IFT122: variants seen among roughly 807,000 people sequenced by gnomAD.
IFT122 encodes intraflagellar transport protein 122 homolog.
In IFT122, 118 loss-of-function variants were observed where a neutral mutation model predicts 161.6. The ratio of observed to expected loss-of-function variants is 0.73; its 90% CI spans 0.63 to 0.85. The LOEUF is 0.85. IFT122 is among the 40% of genes least tolerant of loss of function. The pLI, the probability that IFT122 is intolerant of heterozygous loss-of-function variation, is 0.00. For synonymous variants in IFT122, 550 were observed against 602.4 expected (o/e 0.91, Z 1.27); for missense variants, 1,381 against 1,579.6 (o/e 0.87, Z 2.13).
intron 17 of IFT122, among the ~76,000 whole-genome samples, chr3:129,493,530 C>T (rs573492752): frequency 2.6e-5 from 4 of 152,222 alleles, no homozygotes; most frequent in Non-Finnish European, 5.9e-5. Context: ...CTCAGCAAGA[C>T]GATGCCACAT....
intron 7 of IFT122, among the ~76,000 whole-genome samples, chr3:129,466,208 A>G (rs1362982961): frequency 6.6e-6 from 1 of 152,206 alleles, no homozygotes; most frequent in Non-Finnish European, 1.5e-5. Context: ...TTACCAGCTC[A>G]ATGTCATTTT....
rs746069565 is a variant in IFT122, at chr3:129,502,906, G to C, written c.2547+24G>C. 7 of 1,604,674 alleles carry C rather than the reference G, an allele frequency of 4.4e-6. No homozygotes were observed. In the East Asian group the frequency reaches 1.6e-4, roughly 36 times the overall value. On this transcript the variant is annotated intron_variant, in intron 20 of 29. Transcript: ENST00000348417. The stretch of plus-strand genomic sequence containing the variant: ...AGGTGAGGGGAAAGCAGGCCTCATG[G>C]GCTGGGGCCCCACCTGAGCCCTGGG...
intron 26 of IFT122, among the ~76,000 whole-genome samples, chr3:129,516,793 GCACACACACAGAGACTGCCCCTGCA>G (rs1409170570): frequency 4.1e-4 from 29 of 69,966 alleles, no homozygotes; most frequent in Middle Eastern, 0.017. Context: ...GACCGCTCCT[GCACACACACAGAGACTGCCCCTGCA>G]CACACACACA....
chr3:129,502,590 T>A, intron 19 of IFT122, 121 bp from the exon 20 acceptor site: 1 of 1,133,972 alleles, frequency 8.8e-7, no homozygotes, highest in Non-Finnish European at 1.3e-6. Flanking sequence ...AACTACCCAC[T>A]GAGCAACTCC....
chr3:129,495,929 C>G (rs915519805), intron 18 of IFT122, among the ~76,000 whole-genome samples: 4 of 152,204 alleles, frequency 2.6e-5, no homozygotes, highest in African/African-American at 4.8e-5. Context: ...GGCTGTCCCC[C>G]ACAAATCCTC....
chr3:129,499,985 C>T lies in IFT122; in HGVS notation c.2292C>T (p.Pro764=), dbSNP rs779926427. 10 of 1,614,176 alleles carry T rather than the reference C, an allele frequency of 6.2e-6. No homozygotes were observed. The highest frequency in any genetic ancestry group is 3.3e-5 in the Admixed American group (2 of 60,016). ...QADWARNIKE[P]KAAVEMYISA... Reference sequence around the variant, plus strand: ...ACTGGGCCAGAAATATCAAGGAGCCCAAAGCCGCCGTGGAGATGTACATCT... The same window carrying T: ...ACTGGGCCAGAAATATCAAGGAGCCTAAAGCCGCCGTGGAGATGTACATCT... The change falls in exon 19 of 30, where the codon CCC becomes CCT. Residue 764 remains proline (P), a synonymous_variant. Coordinates refer to ENST00000348417, the MANE Select transcript of IFT122 (RefSeq NM_052989.3).
chr3:129,474,859 A>T (rs910881827), intron 9 of IFT122, among the ~76,000 whole-genome samples: 13 of 152,132 alleles, frequency 8.5e-5, no homozygotes, highest in Non-Finnish European at 1.8e-4. Context: ...ATATATAAAG[A>T]GCTATAAAGA....
At chr3:129,491,284 G>A (rs2080054701) in intron 16 of IFT122, among the ~76,000 whole-genome samples, 1 of 152,176 alleles carries the variant, frequency 6.6e-6, no homozygotes, top group African/African-American at 2.4e-5. Context: ...CAGTTCAAAG[G>A]GCTCTGGAGC....
chr3:129,450,830 C>T (rs1189736852), intron 2 of IFT122, among the ~76,000 whole-genome samples: 1 of 150,726 alleles, frequency 6.6e-6, no homozygotes, highest in Non-Finnish European at 1.5e-5. Flanking sequence ...ACACCATTCT[C>T]CTGCCTCAGC....
chr3:129,472,976 C>T (rs1193334153), intron 9 of IFT122, among the ~76,000 whole-genome samples: 5 of 152,090 alleles, frequency 3.3e-5, no homozygotes, highest in African/African-American at 1.2e-4. Context: ...TTCTTTATAG[C>T]CTTAATCATA....
At chr3:129,505,053 T>G (rs2082049307) in intron 21 of IFT122, among the ~76,000 whole-genome samples, 1 of 152,210 alleles carries the variant, frequency 6.6e-6, no homozygotes, top group African/African-American at 2.4e-5. Flanking sequence ...TATAGAACTT[T>G]CGCTGATGTT....
intron 17 of IFT122, among the ~76,000 whole-genome samples, chr3:129,493,131 C>T (rs1246613190): frequency 6.6e-6 from 1 of 152,152 alleles, no homozygotes; most frequent in Non-Finnish European, 1.5e-5. Flanking sequence ...AGACACTATT[C>T]TTAATTTCTG....
In IFT122 at chr3:129,517,493, A is replaced by G. The variant is rs2084126162; in HGVS notation, c.3290A>G (p.Tyr1097Cys). The part of the protein sequence containing the change: ...SYDVLHLVEF[Y>C]LEEGITDEEA... ...GACGTGCTACACCTGGTTGAGTTCTACCTGGAGGAAGGGATCACTGATGAA... is the reference window on the plus strand; with the variant it reads ...GACGTGCTACACCTGGTTGAGTTCTGCCTGGAGGAAGGGATCACTGATGAA... Residue 1097 changes from tyrosine to cysteine, a missense_variant, in exon 27 of 30, where the codon TAC becomes TGC. Coordinates refer to ENST00000348417, the MANE Select transcript of IFT122 (RefSeq NM_052989.3). 6.2e-7 allele frequency: 1 copy of G among 1,613,808 alleles called. No homozygotes were observed. The highest frequency in any genetic ancestry group is 1.3e-5 in the African/African-American group (1 of 75,022).
intron 5 of IFT122, 193 bp downstream of exon 5, chr3:129,461,497 C>T: frequency 1.6e-6 from 1 of 637,756 alleles, no homozygotes. Context: ...GTGACCTTTA[C>T]TCTGGTAAGA....
intron 11 of IFT122, 81 bp downstream of exon 11, chr3:129,476,882 C>T (rs1489672642): frequency 6.4e-7 from 1 of 1,566,632 alleles, no homozygotes; most frequent in Admixed American, 1.7e-5. Context: ...CTTGAAATGA[C>T]AGGAAAAGGT....
intron 9 of IFT122, among the ~76,000 whole-genome samples, chr3:129,471,659 T>C (rs1577511557): frequency 6.6e-6 from 1 of 152,342 alleles, no homozygotes; most frequent in East Asian, 1.9e-4. Flanking sequence ...CTTAACCTGC[T>C]GAGATGGTAA....
intron 4 of IFT122, chr3:129,459,529 ATT>A: frequency 4.5e-6 from 1 of 221,362 alleles, no homozygotes; most frequent in Non-Finnish European, 9.2e-6. Flanking sequence ...GACTACATCT[ATT>A]TTTTTTTTCT....
rs557840832 is a variant in IFT122, at chr3:129,482,600, C to T, written c.1654-885C>T. ...AGGAGTTACCTGGCCACCTCTAGCC[C>T]AGAGGTAACTCCATGTCAGTCTCAA... On this transcript the variant is annotated intron_variant, in intron 14 of 29. Transcript: ENST00000348417. Among the ~76,000 whole-genome samples, 13 of 152,206 alleles carry T rather than the reference C, an allele frequency of 8.5e-5. 1 individual carries two copies. In the South Asian group the frequency reaches 1.9e-3, roughly 22 times the overall value.
intron 1 of IFT122, among the ~76,000 whole-genome samples, chr3:129,447,705 G>T (rs1038471696): frequency 6.6e-6 from 1 of 152,132 alleles, no homozygotes. Context: ...TTGAGACAGG[G>T]TTTCACCATG....
Sources: allele counts gnomAD v4.1 joint callset (sites outside exome capture counted in the v4.1 genomes callset), GRCh38; gene constraint gnomAD v4.1.1; transcripts MANE v1.5; gene names NCBI Gene and HGNC (gene_info 2026-07-23, HGNC 2026-07-21).